The following STAU2 variants were observed in gnomAD, a reference collection of about 807,000 sequenced individuals.
The protein encoded by STAU2 is double-stranded RNA-binding protein Staufen homolog 2.
In STAU2, 20 loss-of-function variants were observed where a neutral mutation model predicts 65.9. The ratio of observed to expected loss-of-function variants is 0.30; its 90% CI spans 0.21 to 0.44. The LOEUF (loss-of-function observed/expected upper bound fraction) is 0.44. Among genes scored for constraint, STAU2 ranks in the 20% least tolerant of loss-of-function variants. STAU2 has a pLI of 1.00. For synonymous variants in STAU2, 232 were observed against 233.9 expected, an observed-to-expected ratio of 0.99 and a Z score of 0.07; for missense variants, 558 against 683.9, an observed-to-expected ratio of 0.82 and a Z score of 2.05.
intron 13 of STAU2, among the ~76,000 whole-genome samples, chr8:73,484,686 T>C (rs1270329498): frequency 6.6e-6 from 1 of 152,108 alleles, no homozygotes; most frequent in Admixed American, 6.6e-5. Context: ...CCCATTTTCC[T>C]GTTTATGGCT....
chr8:73,429,413 CTTTTTTTTTTTTT>C (rs71561522), intron 13 of STAU2, among the ~76,000 whole-genome samples: 12 of 65,368 alleles, frequency 1.8e-4, no homozygotes, highest in South Asian at 4.8e-4. Flanking sequence ...TTGCTCAGGT[CTTTTTTTTTTTTT>C]TTTTTTTTTT....
At chr8:73,567,859 G>C (rs1018170928) in intron 12 of STAU2, among the ~76,000 whole-genome samples, 1 of 151,652 alleles carries the variant, frequency 6.6e-6, no homozygotes, top group Non-Finnish European at 1.5e-5. Context: ...CTGGGGGGGA[G>C]GGGGGAGTTG....
intron 3 of STAU2, among the ~76,000 whole-genome samples, chr8:73,712,668 T>C (rs751482751): frequency 5.3e-5 from 8 of 152,190 alleles, no homozygotes; most frequent in African/African-American, 1.9e-4. Flanking sequence ...ACAAATATAC[T>C]TCTTGGCTGG....
At chr8:73,586,514 T>C (rs1432701214) in intron 11 of STAU2, among the ~76,000 whole-genome samples, 1 of 151,896 alleles carries the variant, frequency 6.6e-6, no homozygotes, top group African/African-American at 2.4e-5. Context: ...AATAAGGAGA[T>C]GGGAGTTCCA....
chr8:73,625,785 G>T (rs1480601096), intron 6 of STAU2, among the ~76,000 whole-genome samples: 1 of 151,942 alleles, frequency 6.6e-6, no homozygotes, highest in East Asian at 1.9e-4. Context: ...TCACTGACAA[G>T]ACAGTTTTTG....
At chr8:73,669,751 TTGAC>T (rs1469986332) in intron 6 of STAU2, among the ~76,000 whole-genome samples, 1 of 152,086 alleles carries the variant, frequency 6.6e-6, no homozygotes, top group Non-Finnish European at 1.5e-5. Flanking sequence ...CCACTTCTTA[TTGAC>T]TGACTACCTC....
chr8:73,713,115 C>T (rs530316610), intron 3 of STAU2, among the ~76,000 whole-genome samples: 4 of 152,190 alleles, frequency 2.6e-5, no homozygotes, highest in Non-Finnish European at 4.4e-5. Context: ...TTCACTGATA[C>T]GAAACTTGGT....
chr8:73,465,982 A>T (rs562653713), intron 13 of STAU2, among the ~76,000 whole-genome samples: 36 of 152,184 alleles, frequency 2.4e-4, no homozygotes, highest in African/African-American at 6.5e-4. Context: ...CGCCCAGCTA[A>T]TTTTTGTATT....
intron 3 of STAU2, among the ~76,000 whole-genome samples, chr8:73,726,718 C>G (rs1194346973): frequency 6.6e-6 from 1 of 152,174 alleles, no homozygotes; most frequent in Non-Finnish European, 1.5e-5. Flanking sequence ...ATTTCCACAT[C>G]ATCTTTCTGT....
intron 13 of STAU2, among the ~76,000 whole-genome samples, chr8:73,429,300 G>A (rs1224222452): frequency 1.3e-5 from 2 of 148,980 alleles, no homozygotes; most frequent in African/African-American, 2.5e-5. Flanking sequence ...TTGTGAGATA[G>A]TTCCTACCCA....
At chr8:73,524,300 G>GT (rs1247053822) in intron 13 of STAU2, among the ~76,000 whole-genome samples, 6 of 152,134 alleles carry the variant, frequency 3.9e-5, no homozygotes, top group Non-Finnish European at 7.4e-5. Context: ...GGTAATGATG[G>GT]TAACATTCAC....
intron 1 of STAU2, among the ~76,000 whole-genome samples, chr8:73,742,624 A>T (rs1477490170): frequency 6.6e-6 from 1 of 152,030 alleles, no homozygotes; most frequent in Non-Finnish European, 1.5e-5. Context: ...GCTTTTAGAG[A>T]AATGTATCCA....
chr8:73,645,928 T>C (rs777288989), intron 6 of STAU2, among the ~76,000 whole-genome samples: 91 of 152,164 alleles, frequency 6.0e-4, no homozygotes, highest in Non-Finnish European at 1.2e-3. Flanking sequence ...ACCATCCCCA[T>C]GATCCAATCA....
intron 13 of STAU2, among the ~76,000 whole-genome samples, chr8:73,502,750 T>G (rs564703217): frequency 1.3e-5 from 2 of 151,908 alleles, no homozygotes; most frequent in South Asian, 2.1e-4. Context: ...CAGTTATGTG[T>G]TGTTGTTGTT....
intron 13 of STAU2, among the ~76,000 whole-genome samples, chr8:73,425,262 G>A (rs1437544747): frequency 6.6e-6 from 1 of 152,168 alleles, no homozygotes; most frequent in African/African-American, 2.4e-5. Context: ...AGTAGGGTAG[G>A]TCCCTGATCC....
chr8:73,448,023 C>T (rs1285958872), intron 13 of STAU2, among the ~76,000 whole-genome samples: 1 of 152,094 alleles, frequency 6.6e-6, no homozygotes, highest in Non-Finnish European at 1.5e-5. Flanking sequence ...TTTCCACCAC[C>T]GACCCATTCC....
At chr8:73,541,055 T>A (rs1308426281) in intron 13 of STAU2, among the ~76,000 whole-genome samples, 1 of 152,178 alleles carries the variant, frequency 6.6e-6, no homozygotes, top group Admixed American at 6.5e-5. Context: ...GAAGGCCCAA[T>A]GGAAAAGTAG....
intron 6 of STAU2, among the ~76,000 whole-genome samples, chr8:73,630,985 C>T (rs972907225): frequency 6.6e-6 from 1 of 152,116 alleles, no homozygotes; most frequent in Non-Finnish European, 1.5e-5. Flanking sequence ...TTCCCATTAG[C>T]GCTTGTACCA....
chr8:73,570,859 A>G (rs1809026269), intron 12 of STAU2, among the ~76,000 whole-genome samples: 1 of 152,210 alleles, frequency 6.6e-6, no homozygotes, highest in African/African-American at 2.4e-5. Flanking sequence ...TAAGCTTCAT[A>G]AGTGAAGGAG....
Sources: gnomAD v4.1 joint callset for allele counts (sites outside exome capture counted in the v4.1 genomes callset) on GRCh38, gnomAD v4.1.1 for gene constraint, MANE v1.5 for transcripts, NCBI Gene and HGNC (gene_info 2026-07-23, HGNC 2026-07-21) for gene names.